The following STX6 variants were observed in gnomAD, a reference collection of about 807,000 sequenced individuals.
STX6 encodes the protein syntaxin 6.
In STX6, 23 loss-of-function variants were observed where a neutral mutation model predicts 38.0. The ratio of observed to expected loss-of-function variants is 0.60; its 90% CI spans 0.43 to 0.86. The LOEUF (loss-of-function observed/expected upper bound fraction) is 0.86, where lower values mean the gene tolerates loss of function less well. Ranked by LOEUF, STX6 falls within the 40% of genes least tolerant of loss-of-function variation. The pLI is 0.00. For synonymous variants in STX6, 123 were observed against 107.5 expected (o/e 1.14, Z -0.89); for missense variants, 274 against 312.9 (o/e 0.88, Z 0.94).
chr1:180,986,433 C>T (rs1655585855), intron 6 of STX6, among the ~76,000 whole-genome samples: 1 of 152,206 alleles, frequency 6.6e-6, no homozygotes, highest in African/African-American at 2.4e-5. Flanking sequence ...TGGAGCACAT[C>T]TCAATTCAGA....
In STX6 at chr1:181,022,801, G is replaced by A; in HGVS notation, c.-128C>T. The A allele has an allele frequency of 1.1e-6, 1 of 930,180 alleles. No individual in the cohort carries two copies. The highest frequency in any genetic ancestry group is 1.6e-6 in the Non-Finnish European group (1 of 607,960). The allele number at this position is 930,180 out of a possible 1,614,324, so 57.6% of individuals were successfully genotyped here. A position where few individuals can be genotyped will look rare whatever the true frequency, so the allele number is the denominator to read the frequency against. Reference sequence around the variant, plus strand: ...TTAGTCTGGGTGAAGCCGAGCAGCGGGCACGCGCACAGGCCAGGTGCACAG... The same window carrying A: ...TTAGTCTGGGTGAAGCCGAGCAGCGAGCACGCGCACAGGCCAGGTGCACAG... On this transcript the variant is annotated 5_prime_UTR_variant, in exon 1 of 8. Transcript: ENST00000258301.
At chr1:180,980,460 A>G (rs1655374318) in intron 7 of STX6, 1 of 148,710 alleles carries the variant, frequency 6.7e-6, no homozygotes, top group African/African-American at 2.5e-5. Context: ...ACCCAAACAT[A>G]CTCTTACCAT....
chr1:180,975,811 G>A lies in STX6; in HGVS notation c.*759C>T, dbSNP rs1222256488. Reference sequence around the variant, plus strand: ...GTCGGCAAGGATCAGGAGCTGACCTGTGGCGACATCATTAACCCTTCCCTA... The same window carrying A: ...GTCGGCAAGGATCAGGAGCTGACCTATGGCGACATCATTAACCCTTCCCTA... On this transcript the variant is annotated 3_prime_UTR_variant, in exon 8 of 8. Coordinates refer to ENST00000258301, the MANE Select transcript of STX6 (RefSeq NM_005819.6). The A allele has an allele frequency of 1.3e-5, 2 of 152,208 alleles. No homozygotes were observed. The highest frequency in any genetic ancestry group is 2.9e-5 in the Non-Finnish European group (2 of 68,054). 9.4% of individuals were successfully genotyped at this position (152,208 alleles called of 1,614,324 possible). A position where few individuals can be genotyped will look rare whatever the true frequency, so the allele number is the denominator to read the frequency against.
chr1:181,003,932 T>C (rs1478533375), intron 2 of STX6, among the ~76,000 whole-genome samples: 1 of 152,238 alleles, frequency 6.6e-6, no homozygotes, highest in Non-Finnish European at 1.5e-5. Flanking sequence ...CAATGGACGG[T>C]AGCACTGTAA....
intron 1 of STX6, among the ~76,000 whole-genome samples, chr1:181,010,173 T>C (rs2102328202): frequency 6.6e-6 from 1 of 152,288 alleles, no homozygotes; most frequent in East Asian, 1.9e-4. Flanking sequence ...TATGAATTAG[T>C]CAATTTCACA....
chr1:181,008,601 T>C (rs564940800), intron 1 of STX6, among the ~76,000 whole-genome samples: 9 of 152,286 alleles, frequency 5.9e-5, no homozygotes, highest in Middle Eastern at 3.4e-3. Flanking sequence ...AACCTCCAAA[T>C]GCCAGCTCAT....
In STX6 at chr1:180,989,975, T is replaced by C. The variant is rs188014240; in HGVS notation, c.489+9A>G. On this transcript the variant is annotated intron_variant, in intron 5 of 7. Coordinates refer to ENST00000258301, the MANE Select transcript of STX6 (RefSeq NM_005819.6). ...CTGGCCCGTCCTAAGTCTGGGGTCC[T>C]TGGGGTACCTGCTGCTGTGCCTGCT... 9.9e-6 allele frequency: 16 copies of C among 1,613,294 alleles called. No individual in the cohort carries two copies. The African/African-American group carries it at 1.9e-4, about 19-fold the overall frequency.
At chr1:181,009,131 A>C (rs934856787) in intron 1 of STX6, among the ~76,000 whole-genome samples, 2 of 152,164 alleles carry the variant, frequency 1.3e-5, no homozygotes, top group Admixed American at 6.5e-5. Context: ...ACATATCCAG[A>C]ATATATATTT....
At chr1:180,981,102 A>ATG (rs1655402105) in intron 7 of STX6, among the ~76,000 whole-genome samples, 1 of 152,206 alleles carries the variant, frequency 6.6e-6, no homozygotes, top group Non-Finnish European at 1.5e-5. Context: ...TGATGGATAC[A>ATG]TGTCATTTAT....
At chr1:180,993,321 A>G (rs1571335945) in intron 4 of STX6, 42 bp downstream of exon 4, 2 of 1,125,536 alleles carry the variant, frequency 1.8e-6, no homozygotes, top group Non-Finnish European at 2.7e-6. Context: ...ATCTAACTGT[A>G]TGCTTTCTGT....
At chr1:181,007,547 T>C (rs1656259354) in intron 1 of STX6, among the ~76,000 whole-genome samples, 1 of 152,196 alleles carries the variant, frequency 6.6e-6, no homozygotes, top group Non-Finnish European at 1.5e-5. Flanking sequence ...AATATATCAA[T>C]TCTGTAAAGT....
At chr1:181,020,209 T>C (rs551055157) in intron 1 of STX6, among the ~76,000 whole-genome samples, 2 of 151,394 alleles carry the variant, frequency 1.3e-5, no homozygotes, top group East Asian at 3.9e-4. Context: ...AACAAGACTC[T>C]GTCTCAAAAA....
At chr1:180,991,787 T>C (rs1655762994) in intron 4 of STX6, among the ~76,000 whole-genome samples, 1 of 152,174 alleles carries the variant, frequency 6.6e-6, no homozygotes. Context: ...CCATGCCTGC[T>C]GGAGTGCTTA....
At position 180,988,354 on chromosome 1, in the gene STX6, A is replaced by G; in HGVS notation, c.490-9T>C. The G allele has an allele frequency of 6.2e-7, 1 of 1,608,802 alleles. No individual in the cohort carries two copies. The highest frequency in any genetic ancestry group is 1.3e-5 in the African/African-American group (1 of 74,946). On this transcript the variant is annotated splice_polypyrimidine_tract_variant and intron_variant, in intron 5 of 7. Coordinates refer to ENST00000258301, the MANE Select transcript of STX6 (RefSeq NM_005819.6). ...TGCTGTTCCACGATCAACTGGTGCC[A>G]GAGAAATGGGAAATAAGCAATTAAA...
chr1:180,989,955 C>T, intron 5 of STX6, 29 bp downstream of exon 5: 1 of 1,612,138 alleles, frequency 6.2e-7, no homozygotes, highest in South Asian at 1.1e-5. Context: ...TCCCACTGGC[C>T]CGTCCTAAGT....
intron 7 of STX6, among the ~76,000 whole-genome samples, chr1:180,977,865 T>C (rs944715232): frequency 9.2e-5 from 14 of 152,236 alleles, no homozygotes; most frequent in African/African-American, 3.4e-4. Flanking sequence ...GTCTTAGAAC[T>C]GGACAAGAGA....
At position 180,973,961 on chromosome 1, in the gene STX6, T is replaced by C. The variant is rs1030073598; in HGVS notation, c.*2609A>G. Reference sequence around the variant, plus strand: ...GCTAAAGGGGTAGGAAAGCCCCAAATACTATAAAGATGCACTTATAAGCAG... The same window carrying C: ...GCTAAAGGGGTAGGAAAGCCCCAAACACTATAAAGATGCACTTATAAGCAG... On this transcript the variant is annotated 3_prime_UTR_variant, in exon 8 of 8. Transcript: ENST00000258301. The C allele has an allele frequency of 2.0e-5, 3 of 152,168 alleles. No homozygotes were observed. The highest frequency in any genetic ancestry group is 7.2e-5 in the African/African-American group (3 of 41,444). 9.4% of individuals were successfully genotyped at this position (152,168 alleles called of 1,614,324 possible).
chr1:180,989,046 A>T (rs1655672429), intron 5 of STX6: 1 of 152,260 alleles, frequency 6.6e-6, no homozygotes, highest in Admixed American at 6.5e-5. Context: ...AATAGTTTCA[A>T]TGGGTACATG....
At chr1:180,979,316 T>C (rs116067545) in intron 7 of STX6, among the ~76,000 whole-genome samples, 1 of 151,980 alleles carries the variant, frequency 6.6e-6, no homozygotes, top group Non-Finnish European at 1.5e-5. Flanking sequence ...TACCATAACA[T>C]CAATCAAGAT....
Sources: allele counts gnomAD v4.1 joint callset (sites outside exome capture counted in the v4.1 genomes callset), GRCh38; gene constraint gnomAD v4.1.1; transcripts MANE v1.5; gene names NCBI Gene and HGNC (gene_info 2026-07-23, HGNC 2026-07-21).